Variants in ZFAT observed in about 807,000 individuals in gnomAD.
ZFAT encodes the protein zinc finger and AT-hook domain containing, also known as zinc finger protein ZFAT.
In ZFAT, 64 loss-of-function variants were observed where a neutral mutation model predicts 117.7. The ratio of observed to expected loss-of-function variants is 0.54; its 90% confidence interval spans 0.44 to 0.67. ZFAT has a LOEUF of 0.67. Ranked by LOEUF, ZFAT falls within the 30% of genes least tolerant of loss-of-function variation. The probability of loss-of-function intolerance (pLI) is 0.00; values close to 1 mark genes in which losing one functional copy is unlikely to be tolerated. For synonymous variants in ZFAT, 679 were observed against 615.0 expected, an observed-to-expected ratio of 1.10 and a Z score of -1.54; for missense variants, 1,433 against 1,584.5, an observed-to-expected ratio of 0.90 and a Z score of 1.62.
At chr8:134,520,359 T>C (rs1418252232) in intron 13 of ZFAT, among the ~76,000 whole-genome samples, 1 of 152,120 alleles carries the variant, frequency 6.6e-6, no homozygotes, top group Non-Finnish European at 1.5e-5. Flanking sequence ...GTGGTGGCAA[T>C]ACCTAGTATC....
At chr8:134,486,391 G>A (rs548582397) in intron 15 of ZFAT, among the ~76,000 whole-genome samples, 193 of 152,196 alleles carry the variant, frequency 1.3e-3, no homozygotes, top group Middle Eastern at 6.8e-3. Context: ...CTCTGTCACC[G>A]TCGCCACCAC....
chr8:134,541,620 G>A (rs2130631800), intron 11 of ZFAT, among the ~76,000 whole-genome samples: 1 of 152,234 alleles, frequency 6.6e-6, no homozygotes, highest in South Asian at 2.1e-4. Context: ...AAGGAGGAAA[G>A]GAAGAAAGAA....
At chr8:134,641,533 T>C (rs1478546939) in intron 2 of ZFAT, among the ~76,000 whole-genome samples, 1 of 152,170 alleles carries the variant, frequency 6.6e-6, no homozygotes, top group Non-Finnish European at 1.5e-5. Flanking sequence ...TGAATTACAG[T>C]GTGAGCCACA....
chr8:134,641,524 G>T (rs1830580518), intron 2 of ZFAT, among the ~76,000 whole-genome samples: 1 of 152,134 alleles, frequency 6.6e-6, no homozygotes, highest in Non-Finnish European at 1.5e-5. Flanking sequence ...AGCTTGATGT[G>T]AATTACAGTG....
At chr8:134,594,361 T>C (rs182719517) in intron 7 of ZFAT, among the ~76,000 whole-genome samples, 3 of 152,244 alleles carry the variant, frequency 2.0e-5, no homozygotes, top group South Asian at 2.1e-4. Flanking sequence ...TACCCATTTA[T>C]TTCCAGAAGA....
the ZFAT span, among the ~76,000 whole-genome samples, chr8:134,733,255 C>T: frequency 6.6e-6 from 1 of 152,216 alleles, no homozygotes; most frequent in South Asian, 2.1e-4. Context: ...AGTCCAGCAA[C>T]AACCGCTCCT....
chr8:134,789,238 TTACC>T, the ZFAT span, among the ~76,000 whole-genome samples: 104 of 152,284 alleles, frequency 6.8e-4, no homozygotes, highest in African/African-American at 2.4e-3. Flanking sequence ...ATCTTACCAT[TTACC>T]TACCTAATGC....
At chr8:134,718,309 C>A in the ZFAT span, among the ~76,000 whole-genome samples, 1 of 151,930 alleles carries the variant, frequency 6.6e-6, no homozygotes, top group Non-Finnish European at 1.5e-5. Flanking sequence ...GCAGCATGGC[C>A]AAAATGATGA....
intron 7 of ZFAT, chr8:134,599,653 T>A: frequency 4.9e-6 from 2 of 407,510 alleles, no homozygotes; most frequent in Admixed American, 6.4e-5. Context: ...GAAACCATGG[T>A]AGCACATCAA....
At chr8:134,726,334 TC>T in the ZFAT span, among the ~76,000 whole-genome samples, 1 of 152,192 alleles carries the variant, frequency 6.6e-6, no homozygotes, top group South Asian at 2.1e-4. Flanking sequence ...CCTTGATTTT[TC>T]CGTCGGGCAA....
intron 15 of ZFAT, 142 bp downstream of exon 15, chr8:134,509,477 G>T: frequency 8.9e-7 from 1 of 1,128,036 alleles, no homozygotes; most frequent in Non-Finnish European, 1.2e-6. Flanking sequence ...ATCAGAGGTA[G>T]AATAAGAAAA....
At chr8:134,541,442 A>AT (rs1260036472) in intron 11 of ZFAT, among the ~76,000 whole-genome samples, 1 of 152,150 alleles carries the variant, frequency 6.6e-6, no homozygotes, top group Non-Finnish European at 1.5e-5. Context: ...TCTCAAACAG[A>AT]TGCAGCCCCT....
intron 5 of ZFAT, 110 bp downstream of exon 5, chr8:134,608,619 A>T: frequency 1.7e-5 from 22 of 1,325,630 alleles, no homozygotes; most frequent in African/African-American, 3.0e-5. Context: ...TCTTATAAAC[A>T]AGTTTATAAG....
chr8:134,818,799 C>T, the ZFAT span, among the ~76,000 whole-genome samples: 173 of 152,264 alleles, frequency 1.1e-3, 2 homozygotes, highest in African/African-American at 4.0e-3. Context: ...TGGTACAACA[C>T]GGATGAATCT....
chr8:134,655,067 G>C (rs934758916), intron 2 of ZFAT, among the ~76,000 whole-genome samples: 3 of 152,182 alleles, frequency 2.0e-5, no homozygotes, highest in Non-Finnish European at 4.4e-5. Flanking sequence ...GGCTTCCCAG[G>C]CAGGGGTGGC....
chr8:134,601,441 T>C (rs1169984095), intron 6 of ZFAT, 36 bp downstream of exon 6: 6 of 1,564,514 alleles, frequency 3.8e-6, no homozygotes, highest in Admixed American at 1.8e-5. Context: ...ATGATGGTTG[T>C]GGACAGGGCC....
intron 3 of ZFAT, among the ~76,000 whole-genome samples, chr8:134,633,350 AACTT>A (rs1391871723): frequency 6.6e-6 from 1 of 152,238 alleles, no homozygotes; most frequent in African/African-American, 2.4e-5. Context: ...GTTAAATAAC[AACTT>A]AACAAGCATT....
At chr8:134,713,841 T>C (rs1044175784), upstream of ZFAT, among the ~76,000 whole-genome samples, 33 of 151,960 alleles carry the variant, frequency 2.2e-4, no homozygotes, top group African/African-American at 7.5e-4. Context: ...ACACTTCATA[T>C]TTTCTACGTA....
At chr8:134,519,865 T>C (rs1250073595) in intron 13 of ZFAT, among the ~76,000 whole-genome samples, 1 of 152,182 alleles carries the variant, frequency 6.6e-6, no homozygotes, top group Admixed American at 6.5e-5. Context: ...CAAATTCTAT[T>C]TACTCTTTTT....
Sources: gnomAD v4.1 joint callset for allele counts (sites outside exome capture counted in the v4.1 genomes callset) on GRCh38, gnomAD v4.1.1 for gene constraint, MANE v1.5 for transcripts, NCBI Gene and HGNC (gene_info 2026-07-23, HGNC 2026-07-21) for gene names.